The following RBFOX1 variants were observed in gnomAD, a reference collection of about 807,000 sequenced individuals.
RBFOX1 encodes the protein RNA binding protein fox-1 homolog 1.
Under a neutral mutation model 57.7 loss-of-function variants are expected in RBFOX1, and 8 were observed. That is an observed-to-expected ratio of 0.14 (90% CI 0.08 to 0.25). RBFOX1 has a LOEUF of 0.25. Ranked by LOEUF, RBFOX1 falls within the 10% of genes least tolerant of loss-of-function variation. The pLI, the probability that RBFOX1 is intolerant of heterozygous loss-of-function variation, is 1.00. For missense variants in RBFOX1, 611 were observed against 548.5 expected (o/e 1.11, Z -1.14); for synonymous variants, 326 against 222.4 (o/e 1.47, Z -4.15).
At chr16:6,540,443 C>G (rs1360824692) in intron 2 of RBFOX1, among the ~76,000 whole-genome samples, 1 of 151,756 alleles carries the variant, frequency 6.6e-6, no homozygotes, top group African/African-American at 2.4e-5. Flanking sequence ...AAAACCCCAT[C>G]TCTACTAAAA....
At chr16:6,971,415 G>T (rs1214936498) in intron 3 of RBFOX1, among the ~76,000 whole-genome samples, 1 of 152,028 alleles carries the variant, frequency 6.6e-6, no homozygotes, top group Non-Finnish European at 1.5e-5. Context: ...AGAAAGGGAA[G>T]GGTGGTGTAA....
At position 5,354,012 on chromosome 16, in the gene RBFOX1, C is replaced by T. The variant is rs116106217; in HGVS notation, c.220-113204C>T. 8.1e-3 allele frequency among the ~76,000 whole-genome samples: 1,232 copies of T among 152,194 alleles called. 20 individuals carry two copies. Among genetic ancestry groups the T allele is most frequent in the African/African-American group, 0.028 (1,171 of 41,528 alleles). ...AGCTGGGGAAGGCTGGGATGACTTA[C>T]CAGAGGAGGAGACATTTGGAATACT... On this transcript the variant is annotated intron_variant, in intron 1 of 2. Coordinates refer to the RBFOX1 transcript ENST00000585867.
chr16:7,334,017 T>C (rs533283639), intron 4 of RBFOX1, among the ~76,000 whole-genome samples: 1 of 152,290 alleles, frequency 6.6e-6, no homozygotes, highest in South Asian at 2.1e-4. Context: ...TCACCTTTAC[T>C]CCTGTGCCTC....
intron 4 of RBFOX1, among the ~76,000 whole-genome samples, chr16:5,909,688 T>G (rs1391166507): frequency 6.6e-6 from 1 of 152,214 alleles, no homozygotes; most frequent in Non-Finnish European, 1.5e-5. Flanking sequence ...GGAGGGCAGA[T>G]GCTTTGAGTG....
At chr16:6,847,996 A>T (rs1310927968) in intron 3 of RBFOX1, among the ~76,000 whole-genome samples, 2 of 151,890 alleles carry the variant, frequency 1.3e-5, no homozygotes, top group Non-Finnish European at 2.9e-5. Context: ...TGCCCGGCTA[A>T]TTTTTTTATT....
chr16:7,703,329 A>C (rs867821416), intron 14 of RBFOX1, among the ~76,000 whole-genome samples: 1 of 152,174 alleles, frequency 6.6e-6, no homozygotes, highest in Admixed American at 6.6e-5. Flanking sequence ...GGAGGGGTAC[A>C]AGCCCATGCA....
chr16:7,203,347 G>A (rs1481489221), intron 4 of RBFOX1, among the ~76,000 whole-genome samples: 1 of 152,214 alleles, frequency 6.6e-6, no homozygotes, highest in African/African-American at 2.4e-5. Flanking sequence ...AAAGCAGAGA[G>A]TCAAGGAGAA....
chr16:7,130,995 T>G (rs2070186604), intron 4 of RBFOX1, among the ~76,000 whole-genome samples: 1 of 152,128 alleles, frequency 6.6e-6, no homozygotes, highest in South Asian at 2.1e-4. Flanking sequence ...TCCAAAGAGA[T>G]GGGTATCTTA....
chr16:6,633,996 C>G (rs1457075809), intron 2 of RBFOX1, among the ~76,000 whole-genome samples: 1 of 152,134 alleles, frequency 6.6e-6, no homozygotes, highest in African/African-American at 2.4e-5. Flanking sequence ...GACTGGACAA[C>G]ATGAGTAAGA....
rs1215509168 is a variant in RBFOX1 at position 6,180,056 on chromosome 16, A to T, written c.-126-136939A>T. The stretch of plus-strand genomic sequence containing the variant: ...TTGGTTTGCCAGTATCTTCTTGAAG[A>T]TGTTTGCATCTATATTTATAAAATA... On this transcript the variant is annotated intron_variant, in intron 1 of 15. Coordinates refer to ENST00000550418, the MANE Select transcript of RBFOX1 (RefSeq NM_018723.4). 3.3e-5 allele frequency among the ~76,000 whole-genome samples: 5 copies of T among 152,252 alleles called. No individual in the cohort carries two copies. In the East Asian group the frequency reaches 9.7e-4, roughly 29 times the overall value.
chr16:5,899,167 T>G (rs1252361765), intron 4 of RBFOX1, among the ~76,000 whole-genome samples: 2 of 101,808 alleles, frequency 2.0e-5, no homozygotes, highest in Non-Finnish European at 4.1e-5. Context: ...AAAAAAAAAA[T>G]AGGCTACTGA....
At chr16:5,327,846 C>T (rs1055914877) in intron 1 of RBFOX1, among the ~76,000 whole-genome samples, 1 of 152,230 alleles carries the variant, frequency 6.6e-6, no homozygotes, top group African/African-American at 2.4e-5. Flanking sequence ...ATAGTTAAAA[C>T]ATCTCTTTGT....
chr16:5,511,479 A>G (rs970458476), intron 2 of RBFOX1, among the ~76,000 whole-genome samples: 4 of 152,140 alleles, frequency 2.6e-5, no homozygotes, highest in African/African-American at 9.7e-5. Context: ...TGTTTATTCA[A>G]CACCAAACAT....
chr16:6,662,912 G>T (rs988935226), intron 3 of RBFOX1, among the ~76,000 whole-genome samples: 1 of 152,176 alleles, frequency 6.6e-6, no homozygotes, highest in Non-Finnish European at 1.5e-5. Context: ...ATTGAGAACA[G>T]AAACAATTTA....
At chr16:7,591,763 A>C (rs938104925) in intron 7 of RBFOX1, among the ~76,000 whole-genome samples, 1 of 152,208 alleles carries the variant, frequency 6.6e-6, no homozygotes, top group South Asian at 2.1e-4. Flanking sequence ...GAGCAAGCCA[A>C]GCTCAGAATG....
chr16:6,106,888 G>T (rs1178713193), intron 1 of RBFOX1, among the ~76,000 whole-genome samples: 2 of 151,944 alleles, frequency 1.3e-5, no homozygotes. Flanking sequence ...AGCCAGGATG[G>T]TCTCAATCTC....
At chr16:7,362,898 T>A (rs533289147) in intron 4 of RBFOX1, among the ~76,000 whole-genome samples, 1 of 152,332 alleles carries the variant, frequency 6.6e-6, no homozygotes, top group East Asian at 1.9e-4. Context: ...CAGATATTGC[T>A]GGAGTCATTT....
intron 3 of RBFOX1, among the ~76,000 whole-genome samples, chr16:6,686,710 A>T (rs922198938): frequency 6.6e-6 from 1 of 152,158 alleles, no homozygotes; most frequent in Non-Finnish European, 1.5e-5. Context: ...CAATTGTGAG[A>T]CTAACCTTCC....
At position 6,683,897 on chromosome 16, in the gene RBFOX1, A is replaced by G. The variant is rs1018912345; in HGVS notation, c.-16+29247A>G. Reference sequence around the variant, plus strand: ...CTTTATTTTACACGAAATGGTTGTAAGAGTAGAGGGAGATCGCATATGTGA... The same window carrying G: ...CTTTATTTTACACGAAATGGTTGTAGGAGTAGAGGGAGATCGCATATGTGA... On this transcript the variant is annotated intron_variant, in intron 3 of 15. Transcript: ENST00000550418. Among the ~76,000 whole-genome samples, 12 of 152,224 alleles carry G rather than the reference A, an allele frequency of 7.9e-5. 1 individual carries two copies. The highest frequency in any genetic ancestry group is 7.2e-4 in the Admixed American group (11 of 15,280).
Sources: allele counts gnomAD v4.1 joint callset (sites outside exome capture counted in the v4.1 genomes callset), GRCh38; gene constraint gnomAD v4.1.1; transcripts MANE v1.5; gene names NCBI Gene and HGNC (gene_info 2026-07-23, HGNC 2026-07-21).